PLIN2: variants seen among roughly 807,000 people sequenced by gnomAD.
The protein encoded by PLIN2 is perilipin 2, also known as perilipin-2.
PLIN2 carries 33 observed loss-of-function variants against 30.6 expected under a neutral mutation model. The ratio of observed to expected loss-of-function variants is 1.08; its 90% confidence interval spans 0.82 to 1.44. PLIN2 has a LOEUF of 1.44. Among genes scored for constraint, PLIN2 ranks in the 40% most tolerant of loss-of-function variants. The pLI is 0.00. For missense variants in PLIN2, 610 were observed against 531.8 expected, an observed-to-expected ratio of 1.15 and a Z score of -1.45; for synonymous variants, 205 against 201.1, an observed-to-expected ratio of 1.02 and a Z score of -0.16.
At chr9:19,109,554 A>G (rs910885839) in intron 2 of PLIN2, among the ~76,000 whole-genome samples, 36 of 149,660 alleles carry the variant, frequency 2.4e-4, no homozygotes, top group Non-Finnish European at 4.9e-4. Flanking sequence ...AAAAAAAAAA[A>G]GAAAGAAAAG....
At chr9:19,110,470 TTTTG>T (rs199610086) in intron 2 of PLIN2, among the ~76,000 whole-genome samples, 6,076 of 152,026 alleles carry the variant, frequency 0.04, 174 homozygotes, top group Non-Finnish European at 0.057. Context: ...TTGGATTTCG[TTTTG>T]TTTTGTTTGT....
At chr9:19,111,298 T>A (rs1186589876), downstream of PLIN2, among the ~76,000 whole-genome samples, 1 of 152,126 alleles carries the variant, frequency 6.6e-6, no homozygotes, top group African/African-American at 2.4e-5. Flanking sequence ...ATCTGCCGAC[T>A]CGGCCTCCCA....
Position 19,121,185 on chromosome 9 carries a change from T to A in PLIN2, c.310-20A>T. 1.9e-6 allele frequency: 3 copies of A among 1,610,752 alleles called. No individual in the cohort carries two copies. Among genetic ancestry groups the A allele is most frequent in the Non-Finnish European group, 2.5e-6 (3 of 1,177,482 alleles). ...AACAATCTGTAAGTAGAAAAGCAGATCCCCTGGCTGGTGAGAAAAATGAGC... is the reference window on the plus strand; with the variant it reads ...AACAATCTGTAAGTAGAAAAGCAGAACCCCTGGCTGGTGAGAAAAATGAGC... On this transcript the variant is annotated intron_variant, in intron 4 of 7. Coordinates refer to ENST00000276914, the MANE Select transcript of PLIN2 (RefSeq NM_001122.4).
intron 4 of PLIN2, 22 bp from the exon 5 acceptor site, chr9:19,121,187 C>A (rs1818310253): frequency 6.2e-7 from 1 of 1,610,066 alleles, no homozygotes; most frequent in Admixed American, 1.7e-5. Flanking sequence ...AAAGCAGATC[C>A]CCTGGCTGGT....
rs1818281872 is a variant in PLIN2 at position 19,119,688 on chromosome 9, G to C, written c.739C>G (p.Gln247Glu). The C allele has an allele frequency of 6.2e-7, 1 of 1,608,044 alleles. No homozygotes were observed. Among genetic ancestry groups the C allele is most frequent in the Admixed American group, 1.7e-5 (1 of 59,486 alleles). ...GAATGGAGCTGAGAAATGGTCTGTT[G>C]GCTTTTTTGCTTAGCTTCTTTAACC... ...SRVKEAKQKSQQTISQLHSTV... is the reference protein window; with the variant it reads ...SRVKEAKQKSEQTISQLHSTV... Residue 247 changes from glutamine (Q) to glutamate (E), a missense_variant, in exon 6 of 8, where the codon CAA becomes GAA. By Grantham distance (29) the Gln-to-Glu change is conservative. Transcript: ENST00000276914.
Position 19,119,804 on chromosome 9 carries a change from A to G in PLIN2, c.623T>C (p.Phe208Ser). The stretch of plus-strand genomic sequence containing the variant: ...ATAACTTGGCTTCTGAACCAGATCA[A>G]ATCCTTCAACTTTTTTTGCTTCTTT... ...LEKEAKKVEG[F>S]DLVQKPSYYV... Residue 208 changes from phenylalanine to serine, a missense_variant, in exon 6 of 8, where the codon TTT becomes TCT. Coordinates refer to ENST00000276914, the MANE Select transcript of PLIN2 (RefSeq NM_001122.4). The G allele has an allele frequency of 6.4e-7, 1 of 1,568,372 alleles. No individual in the cohort carries two copies.
At chr9:19,110,266 G>A (rs1047434332) in intron 2 of PLIN2, among the ~76,000 whole-genome samples, 1 of 151,956 alleles carries the variant, frequency 6.6e-6, no homozygotes, top group Non-Finnish European at 1.5e-5. Context: ...GACCTCAAGT[G>A]GTCCAACCTC....
chr9:19,111,280 C>T (rs1266065957), downstream of PLIN2, among the ~76,000 whole-genome samples: 2 of 151,962 alleles, frequency 1.3e-5, no homozygotes, highest in Non-Finnish European at 2.9e-5. Flanking sequence ...AACTCCTGGC[C>T]TCAAGTGATC....
At chr9:19,123,231 A>G (rs1818346111) in intron 4 of PLIN2, 1 of 890,944 alleles carries the variant, frequency 1.1e-6, no homozygotes, top group Middle Eastern at 2.5e-4. Context: ...CAGGTGAGAA[A>G]AGGTTATATA....
downstream of PLIN2, among the ~76,000 whole-genome samples, chr9:19,112,352 G>A (rs1215491183): frequency 1.3e-5 from 2 of 151,978 alleles, no homozygotes; most frequent in Non-Finnish European, 2.9e-5. Context: ...CTGTTTTCTG[G>A]AGGAAAAAAA....
At chr9:19,123,917 G>A (rs1270697168) in intron 3 of PLIN2, among the ~76,000 whole-genome samples, 1 of 151,492 alleles carries the variant, frequency 6.6e-6, no homozygotes, top group Non-Finnish European at 1.5e-5. Flanking sequence ...TACTCAGGAG[G>A]CTGAGGCAGG....
Position 19,116,527 on chromosome 9 carries a change from G to A in PLIN2, c.1035C>T (p.His345=). ...AGATGTCGCCTGCCATCACCCCCAT[G>A]TGCTTGGCTTGATCTTGGATGTTCT... The part of the protein sequence containing the change: ...VPQNIQDQAK[H]MGVMAGDIYS... The change falls in exon 8 of 8, where the codon CAC becomes CAT. Residue 345 remains histidine, a synonymous_variant. Coordinates refer to ENST00000276914, the MANE Select transcript of PLIN2 (RefSeq NM_001122.4). 2 of 1,614,164 alleles carry A rather than the reference G, an allele frequency of 1.2e-6. No homozygotes were observed. Among genetic ancestry groups the A allele is most frequent in the Non-Finnish European group, 1.7e-6 (2 of 1,180,040 alleles).
chr9:19,121,521 G>GA (rs977989418), intron 4 of PLIN2, among the ~76,000 whole-genome samples: 89 of 126,138 alleles, frequency 7.1e-4, no homozygotes, highest in African/African-American at 2.2e-3. Flanking sequence ...GAAGAGAAAA[G>GA]AAAAAAAAAG....
intron 4 of PLIN2, chr9:19,123,187 T>C (rs1475602809): frequency 3.2e-6 from 2 of 629,648 alleles, no homozygotes; most frequent in Admixed American, 5.9e-5. Context: ...AGCTATCCCA[T>C]ATGGATGGTA....
At chr9:19,122,428 G>T (rs1181133001) in intron 4 of PLIN2, among the ~76,000 whole-genome samples, 2 of 151,670 alleles carry the variant, frequency 1.3e-5, no homozygotes, top group African/African-American at 4.8e-5. Flanking sequence ...TTGTGTTACA[G>T]TAGTCAGTGT....
At chr9:19,123,407 A>C (rs1257783813) in intron 4 of PLIN2, 158 bp downstream of exon 4, 3 of 1,551,800 alleles carry the variant, frequency 1.9e-6, no homozygotes, top group Non-Finnish European at 2.6e-6. Context: ...ACAACAGTTC[A>C]GGAAGTAAGG....
chr9:19,124,318 T>A (rs912739899), intron 3 of PLIN2, among the ~76,000 whole-genome samples: 3 of 152,216 alleles, frequency 2.0e-5, no homozygotes, highest in African/African-American at 7.2e-5. Flanking sequence ...GGCATTCCCA[T>A]GCTAGTTTAA....
chr9:19,112,822 T>C (rs1818175184), downstream of PLIN2, among the ~76,000 whole-genome samples: 1 of 151,226 alleles, frequency 6.6e-6, no homozygotes, highest in Non-Finnish European at 1.5e-5. Flanking sequence ...CCATGACCAA[T>C]GTGCACAGCT....
chr9:19,123,358 A>G (rs1818347546), intron 4 of PLIN2: 3 of 1,550,538 alleles, frequency 1.9e-6, no homozygotes, highest in South Asian at 1.2e-5. Flanking sequence ...TTCTAATCCA[A>G]AGGAGGCTAG....
Sources: gnomAD v4.1 joint callset for allele counts (sites outside exome capture counted in the v4.1 genomes callset) on GRCh38, gnomAD v4.1.1 for gene constraint, MANE v1.5 for transcripts, NCBI Gene and HGNC (gene_info 2026-07-23, HGNC 2026-07-21) for gene names.